Variants in RAI1 observed in about 807,000 individuals in gnomAD.
RAI1 encodes retinoic acid induced 1, also known as retinoic acid-induced protein 1.
In RAI1, 9 loss-of-function variants were observed where a neutral mutation model predicts 123.8. The ratio of observed to expected loss-of-function variants is 0.07; its 90% CI spans 0.04 to 0.13. RAI1 has a LOEUF of 0.13. Ranked by LOEUF, RAI1 falls within the 10% of genes least tolerant of loss-of-function variation. The pLI is 1.00. For missense variants in RAI1, 2,256 were observed against 2,545.8 expected (o/e 0.89, Z 2.45); for synonymous variants, 1,231 against 1,127.3 (o/e 1.09, Z -1.84).
intron 2 of RAI1, among the ~76,000 whole-genome samples, chr17:17,747,909 T>A (rs886770085): frequency 5.9e-5 from 9 of 152,068 alleles, no homozygotes; most frequent in African/African-American, 2.2e-4. Context: ...ACAAAAAATT[T>A]AAAAAATTAG....
chr17:17,778,721 C>A (rs749349132), intron 2 of RAI1: 1 of 456,750 alleles, frequency 2.2e-6, no homozygotes, highest in Admixed American at 2.3e-5. Flanking sequence ...GGAGCAGAGG[C>A]CTGCGATTCT....
Position 17,750,119 on chromosome 17 carries a change from G to T in RAI1, c.-17+25960G>T, listed in dbSNP as rs538755992. ...ATATCACTTGCATTCACATTCCATT[G>T]GCTGGAGCACAGTCATGTGACCATG... On this transcript the variant is annotated intron_variant, in intron 2 of 5. Transcript: ENST00000353383. Among the ~76,000 whole-genome samples the T allele has an allele frequency of 2.6e-5, 4 of 152,346 alleles. No individual in the cohort carries two copies. The East Asian group carries it at 7.7e-4, about 29-fold the overall frequency.
At chr17:17,724,812 G>A (rs1386941124) in intron 2 of RAI1, among the ~76,000 whole-genome samples, 1 of 151,436 alleles carries the variant, frequency 6.6e-6, no homozygotes, top group Non-Finnish European at 1.5e-5. Flanking sequence ...CCCCACCCCC[G>A]CCTTCCTCCC....
chr17:17,720,352 T>C (rs1279278759), intron 1 of RAI1, among the ~76,000 whole-genome samples: 1 of 152,084 alleles, frequency 6.6e-6, no homozygotes, highest in African/African-American at 2.4e-5. Flanking sequence ...ACCCCTACCA[T>C]CCCAGCGAGG....
Position 17,801,507 on chromosome 17 carries a change from A to C in RAI1, c.5566-2249A>C, listed in dbSNP as rs1183815999. On this transcript the variant is annotated intron_variant, in intron 3 of 5. Transcript: ENST00000353383. This position sits in a 1 kb window ranked among gnomAD's most constrained non-coding sequence, Gnocchi z 4.1. ...TCAGCCAGAGGACCCCCATATGCTT[A>C]AACATCCAGACACCAAGGGCCACTC... Among the ~76,000 whole-genome samples, 1 of 152,184 alleles carries C rather than the reference A, an allele frequency of 6.6e-6. No individual in the cohort carries two copies. Among genetic ancestry groups the C allele is most frequent in the African/African-American group, 2.4e-5 (1 of 41,440 alleles).
Position 17,809,907 on chromosome 17 carries a change from G to A in RAI1, c.5710-63G>A, listed in dbSNP as rs2032691563. 4 of 1,550,756 alleles carry A rather than the reference G, an allele frequency of 2.6e-6. No homozygotes were observed. The highest frequency in any genetic ancestry group is 3.5e-6 in the Non-Finnish European group (4 of 1,148,092). On this transcript the variant is annotated intron_variant, in intron 5 of 5. Transcript: ENST00000353383. The surrounding 1 kb of genome is among the most constrained non-coding windows in gnomAD (Gnocchi z 4.9). ...CTTAGGCGGGGGGCCCACACTGGGG[G>A]CGGGGCCTATGGACTGTGAAGTCCG... is the stretch of plus-strand genomic sequence containing the variant.
intron 2 of RAI1, among the ~76,000 whole-genome samples, chr17:17,788,828 A>G (rs1410273302): frequency 6.6e-6 from 1 of 152,148 alleles, no homozygotes; most frequent in African/African-American, 2.4e-5. Context: ...CAGGAGCCAC[A>G]GCAGCTCTGG....
chr17:17,746,420 G>A (rs1022557502), intron 2 of RAI1, among the ~76,000 whole-genome samples: 1 of 152,156 alleles, frequency 6.6e-6, no homozygotes, highest in South Asian at 2.1e-4. Context: ...GCAGGAGGTA[G>A]AGAACCTGGG....
chr17:17,781,714 G>T (rs1213625904), intron 2 of RAI1, among the ~76,000 whole-genome samples: 1 of 152,244 alleles, frequency 6.6e-6, no homozygotes, highest in Non-Finnish European at 1.5e-5. Context: ...GCGGTCGCAG[G>T]CACGGGTGGG....
chr17:17,797,028 C>G lies in RAI1; in HGVS notation c.4080C>G (p.Ser1360=). 1 of 1,613,916 alleles carries G rather than the reference C, an allele frequency of 6.2e-7. No individual in the cohort carries two copies. The highest frequency in any genetic ancestry group is 8.5e-7 in the Non-Finnish European group (1 of 1,180,042). The change falls in exon 3 of 6, where the codon TCC becomes TCG. Residue 1360 remains serine (S), a synonymous_variant. Transcript: ENST00000353383. ...GASPGNPLSP[S]LSDKDRGLKG... is the part of the protein sequence containing the mutation. ...CTCCTGGTAATCCTCTGAGCCCATC[C>G]CTTTCCGACAAAGACCGTGGGCTCA...
chr17:17,744,249 G>A (rs1271577137), intron 2 of RAI1, among the ~76,000 whole-genome samples: 1 of 152,124 alleles, frequency 6.6e-6, no homozygotes, highest in African/African-American at 2.4e-5. Context: ...GTTCCCCTAG[G>A]GTTCAAACAC....
intron 2 of RAI1, among the ~76,000 whole-genome samples, chr17:17,725,593 C>T (rs917863144): frequency 2.0e-5 from 3 of 152,158 alleles, no homozygotes; most frequent in African/African-American, 7.2e-5. Context: ...GATTATTTTG[C>T]TCCATCGGGG....
intron 1 of RAI1, among the ~76,000 whole-genome samples, chr17:17,712,192 CTG>C (rs1260942744): frequency 6.6e-6 from 1 of 152,250 alleles, no homozygotes; most frequent in Non-Finnish European, 1.5e-5. Flanking sequence ...AGCTGCAACT[CTG>C]TGCTAGGTGC....
chr17:17,691,082 G>A (rs1035379818), intron 1 of RAI1, among the ~76,000 whole-genome samples: 3 of 152,234 alleles, frequency 2.0e-5, no homozygotes, highest in Non-Finnish European at 4.4e-5. Flanking sequence ...TCTATTAGAA[G>A]GGTAAAGTCA....
chr17:17,732,836 G>A (rs990588046), intron 2 of RAI1, among the ~76,000 whole-genome samples: 1 of 152,204 alleles, frequency 6.6e-6, no homozygotes, highest in African/African-American at 2.4e-5. Flanking sequence ...GCCCTGTGCA[G>A]AGCCTACCAC....
At position 17,795,526 on chromosome 17, in the gene RAI1, A is replaced by G. The variant is rs893796011; in HGVS notation, c.2578A>G (p.Ser860Gly). The G allele has an allele frequency of 1.3e-6, 2 of 1,599,236 alleles. No individual in the cohort carries two copies. Among genetic ancestry groups the G allele is most frequent in the South Asian group, 2.2e-5 (2 of 89,212 alleles). The change falls in exon 3 of 6, where the codon AGC (serine) becomes GGC (glycine). Residue 860 changes from serine (S) to glycine (G), a missense_variant. Ser to Gly is a moderately conservative substitution (Grantham distance 56). Around this residue, in one of 7 missense-constraint regions of RAI1, gnomAD observed 566 missense variants for 616.0 expected, o/e 0.92. Transcript: ENST00000353383. The surrounding 1 kb of genome is among the most constrained non-coding windows in gnomAD (Gnocchi z 5.9). The stretch of plus-strand genomic sequence containing the variant: ...GGACCTCCCACTGCTGCCACCCACC[A>G]GCAGGAAGGAGGACCTGGAAGCTGA... The part of the protein sequence containing the change: ...FGDLPLLPPT[S>G]RKEDLEAEEE...
chr17:17,732,054 G>A (rs1390419444), intron 2 of RAI1, among the ~76,000 whole-genome samples: 1 of 151,990 alleles, frequency 6.6e-6, no homozygotes, highest in Admixed American at 6.5e-5. Flanking sequence ...CTTCCTCTCG[G>A]TGAGGCCTCC....
At chr17:17,769,398 A>C (rs1488495584) in intron 2 of RAI1, among the ~76,000 whole-genome samples, 5 of 152,222 alleles carry the variant, frequency 3.3e-5, no homozygotes, top group African/African-American at 1.2e-4. Flanking sequence ...AGACTGCAGC[A>C]TGTGGGGCTG....
chr17:17,782,514 C>G (rs985350223), intron 2 of RAI1, among the ~76,000 whole-genome samples: 3 of 149,994 alleles, frequency 2.0e-5, no homozygotes, highest in Non-Finnish European at 4.4e-5. Context: ...TCCCCAGGAC[C>G]GGGCGCATCT....
Sources: gnomAD v4.1 joint callset for allele counts (sites outside exome capture counted in the v4.1 genomes callset) on GRCh38, gnomAD v4.1.1 for gene constraint, gnomAD v4.1.1 regional missense constraint, Gnocchi (gnomAD v3.1) non-coding constraint, MANE v1.5 for transcripts, NCBI Gene and HGNC (gene_info 2026-07-23, HGNC 2026-07-21) for gene names.